SUMO4: variants seen among roughly 807,000 people sequenced by gnomAD.
SUMO4 encodes the protein small ubiquitin-related modifier 4.
A neutral mutation model predicts 7.7 loss-of-function variants in SUMO4; 6 were observed. The observed-to-expected ratio is 0.78, with a 90% CI of 0.43 to 1.53. The LOEUF (loss-of-function observed/expected upper bound fraction) is 1.53, where lower values mean the gene tolerates loss of function less well. SUMO4 is among the 40% of genes most tolerant of loss of function. The pLI, the probability that SUMO4 is intolerant of heterozygous loss-of-function variation, is 0.01. For synonymous variants in SUMO4, 43 were observed against 41.2 expected (o/e 1.04, Z -0.17); for missense variants, 113 against 113.6 (o/e 0.99, Z 0.03).
chr6:149,401,204 AAAAG>A lies in SUMO4; in HGVS notation c.*532_*535del, dbSNP rs1311128168. The A allele has an allele frequency of 1.8e-5, 3 of 167,176 alleles. No individual in the cohort carries two copies. The highest frequency in any genetic ancestry group is 2.1e-4 in the South Asian group (1 of 4,828). 10.4% of individuals were successfully genotyped at this position (167,176 alleles called of 1,614,324 possible). A position where few individuals can be genotyped will look rare whatever the true frequency, so the allele number is the denominator to read the frequency against. ...AGTAGGGATAAATTACTCTAAAAAA[AAAAG>A]AAAGAATCCTAGAAAGTTTTTCCTT... On this transcript the variant is annotated 3_prime_UTR_variant, in exon 1 of 1. Transcript: ENST00000326669.
In SUMO4 at chr6:149,400,823, A is replaced by G; in HGVS notation, c.*144A>G. On this transcript the variant is annotated 3_prime_UTR_variant, in exon 1 of 1. Transcript: ENST00000326669. ...CTCTATTCTTTTGTTTCCCCCTTCC[A>G]CATTCTTTTATTATACATGAAGTAA... 1 of 934,324 alleles carries G rather than the reference A, an allele frequency of 1.1e-6. No homozygotes were observed. Among genetic ancestry groups the G allele is most frequent in the Non-Finnish European group, 1.6e-6 (1 of 625,032 alleles). The allele number at this position is 934,324 out of a possible 1,614,324, so 57.9% of individuals were successfully genotyped here. A position where few individuals can be genotyped will look rare whatever the true frequency, so the allele number is the denominator to read the frequency against.
chr6:149,400,886 A>G lies in SUMO4; in HGVS notation c.*207A>G, dbSNP rs1782381189. On this transcript the variant is annotated 3_prime_UTR_variant, in exon 1 of 1. Coordinates refer to ENST00000326669, the MANE Select transcript of SUMO4 (RefSeq NM_001002255.2). ...CACAAGCATATTGCTTTTTTCTTCA[A>G]ACCAAACAGCCAATGGTATGTTTTG... The G allele has an allele frequency of 6.9e-6, 4 of 579,958 alleles. No individual in the cohort carries two copies. The highest frequency in any genetic ancestry group is 1.2e-5 in the Non-Finnish European group (4 of 332,744). 35.9% of individuals were successfully genotyped at this position (579,958 alleles called of 1,614,324 possible). A position where few individuals can be genotyped will look rare whatever the true frequency, so the allele number is the denominator to read the frequency against.
In SUMO4 at chr6:149,400,543, G is replaced by A. The variant is rs57327874; in HGVS notation, c.152G>A (p.Arg51Gln). Reference sequence around the variant, plus strand: ...CTAATGAAAGCCTATTGTGAACCACGGGGATTGTCAGTGAAGCAGATCAGA... The same window carrying A: ...CTAATGAAAGCCTATTGTGAACCACAGGGATTGTCAGTGAAGCAGATCAGA... ...SKLMKAYCEP[R>Q]GLSVKQIRFR... is the part of the protein sequence containing the mutation. The change falls in exon 1 of 1, where the codon CGG becomes CAG. Residue 51 changes from arginine (R) to glutamine (Q), a missense_variant. Arg to Gln is a conservative substitution (Grantham distance 43, BLOSUM62 1). Coordinates refer to ENST00000326669, the MANE Select transcript of SUMO4 (RefSeq NM_001002255.2). 5.4e-4 allele frequency: 866 copies of A among 1,614,208 alleles called. 4 individuals are homozygous for A. In the African/African-American group the frequency reaches 9.5e-3, roughly 18 times the overall value.
Position 149,400,330 on chromosome 6 carries a change from G to T in SUMO4, c.-62G>T. 1 of 1,558,392 alleles carries T rather than the reference G, an allele frequency of 6.4e-7. No homozygotes were observed. Among genetic ancestry groups the T allele is most frequent in the South Asian group, 1.2e-5 (1 of 83,428 alleles). On this transcript the variant is annotated 5_prime_UTR_variant, in exon 1 of 1. Coordinates refer to ENST00000326669, the MANE Select transcript of SUMO4 (RefSeq NM_001002255.2). Reference sequence around the variant, plus strand: ...TGCTCTTCCTGCTGCTCGTGTACTCGTTAGGTGCGGACCCGCCACCTCTTT... The same window carrying T: ...TGCTCTTCCTGCTGCTCGTGTACTCTTTAGGTGCGGACCCGCCACCTCTTT...
rs764615126 is a variant in SUMO4 at position 149,400,704 on chromosome 6, A to G, written c.*25A>G. ...AAAAGGGAACCTGCTTCTTTACTCCAGAACGCTGTTCTTTAAAGACCAAGA... is the reference window on the plus strand; with the variant it reads ...AAAAGGGAACCTGCTTCTTTACTCCGGAACGCTGTTCTTTAAAGACCAAGA... On this transcript the variant is annotated 3_prime_UTR_variant, in exon 1 of 1. Coordinates refer to ENST00000326669, the MANE Select transcript of SUMO4 (RefSeq NM_001002255.2). The G allele has an allele frequency of 1.2e-6, 2 of 1,606,416 alleles. No individual in the cohort carries two copies. The highest frequency in any genetic ancestry group is 1.7e-6 in the Non-Finnish European group (2 of 1,176,686).
In SUMO4 at chr6:149,400,360, A is replaced by C. The variant is rs577687718; in HGVS notation, c.-32A>C. ...GTGCGGACCCGCCACCTCTTTTGTG[A>C]AGCAGCAGCTGAGGAGACTCCGGTG... On this transcript the variant is annotated 5_prime_UTR_variant, in exon 1 of 1. Coordinates refer to ENST00000326669, the MANE Select transcript of SUMO4 (RefSeq NM_001002255.2). The C allele has an allele frequency of 1.9e-6, 3 of 1,605,678 alleles. No homozygotes were observed. The highest frequency in any genetic ancestry group is 1.1e-5 in the South Asian group (1 of 89,982).
Position 149,400,309 on chromosome 6 carries a change from C to T in SUMO4, c.-83C>T. The T allele has an allele frequency of 6.8e-7, 1 of 1,480,812 alleles. No individual in the cohort carries two copies. The highest frequency in any genetic ancestry group is 9.2e-7 in the Non-Finnish European group (1 of 1,092,648). 91.7% of individuals were successfully genotyped at this position (1,480,812 alleles called of 1,614,324 possible). A position where few individuals can be genotyped will look rare whatever the true frequency, so the allele number is the denominator to read the frequency against. ...TCCACCGCTGTCACCTCCTGCTGCTCTTCCTGCTGCTCGTGTACTCGTTAG... is the reference window on the plus strand; with the variant it reads ...TCCACCGCTGTCACCTCCTGCTGCTTTTCCTGCTGCTCGTGTACTCGTTAG... On this transcript the variant is annotated 5_prime_UTR_variant, in exon 1 of 1. Coordinates refer to ENST00000326669, the MANE Select transcript of SUMO4 (RefSeq NM_001002255.2).
In SUMO4 at chr6:149,400,797, T is replaced by C; in HGVS notation, c.*118T>C. On this transcript the variant is annotated 3_prime_UTR_variant, in exon 1 of 1. Transcript: ENST00000326669. ...CATTCTGACTACTACAGTATAGTTTTCTCTATTCTTTTGTTTCCCCCTTCC... is the reference window on the plus strand; with the variant it reads ...CATTCTGACTACTACAGTATAGTTTCCTCTATTCTTTTGTTTCCCCCTTCC... The C allele has an allele frequency of 8.8e-7, 1 of 1,139,302 alleles. No homozygotes were observed. Among genetic ancestry groups the C allele is most frequent in the East Asian group, 2.4e-5 (1 of 41,788 alleles). The allele number at this position is 1,139,302 out of a possible 1,614,324, so 70.6% of individuals were successfully genotyped here.
chr6:149,400,340 G>C lies in SUMO4; in HGVS notation c.-52G>C. ...GCTGCTCGTGTACTCGTTAGGTGCG[G>C]ACCCGCCACCTCTTTTGTGAAGCAG... On this transcript the variant is annotated 5_prime_UTR_variant, in exon 1 of 1. Coordinates refer to ENST00000326669, the MANE Select transcript of SUMO4 (RefSeq NM_001002255.2). The C allele has an allele frequency of 6.3e-7, 1 of 1,587,248 alleles. No individual in the cohort carries two copies. Among genetic ancestry groups the C allele is most frequent in the Non-Finnish European group, 8.6e-7 (1 of 1,167,238 alleles).
chr6:149,400,457 G>A lies in SUMO4; in HGVS notation c.66G>A (p.Val22=), dbSNP rs925812635. The A allele has an allele frequency of 2.5e-6, 4 of 1,614,124 alleles. No individual in the cohort carries two copies. The African/African-American group carries it at 4.0e-5, about 16-fold the overall frequency. ...ACAACAATCATATTAATTTGAAGGT[G>A]GCGGGACAGGATGGTTCTGTGGTGC... is the stretch of plus-strand genomic sequence containing the variant. The part of the protein sequence containing the change: ...TENNNHINLK[V]AGQDGSVVQF... The change falls in exon 1 of 1, where the codon GTG becomes GTA. Residue 22 remains valine (V), a synonymous_variant. Coordinates refer to ENST00000326669, the MANE Select transcript of SUMO4 (RefSeq NM_001002255.2).
At position 149,401,047 on chromosome 6, in the gene SUMO4, C is replaced by T. The variant is rs547160629; in HGVS notation, c.*368C>T. On this transcript the variant is annotated 3_prime_UTR_variant, in exon 1 of 1. Transcript: ENST00000326669. The stretch of plus-strand genomic sequence containing the variant: ...TATTTTGCTCTCACTGTTTTAACAA[C>T]AACAAAAAAAAATTCTCACATACCT... 2.2e-4 allele frequency: 43 copies of T among 198,212 alleles called. 2 individuals are homozygous for T. In the South Asian group the frequency reaches 6.8e-3, roughly 31 times the overall value. The allele number at this position is 198,212 out of a possible 1,614,324, so 12.3% of individuals were successfully genotyped here. A position where few individuals can be genotyped will look rare whatever the true frequency, so the allele number is the denominator to read the frequency against.
rs141254994 is a variant in SUMO4 at position 149,400,400 on chromosome 6, C to T, written c.9C>T (p.Asn3=). MA[N]EKPTEEVKTE... is the part of the protein sequence containing the mutation. ...AGACTCCGGTGTTCACCATGGCCAACGAAAAGCCCACAGAAGAAGTCAAGA... is the reference window on the plus strand; with the variant it reads ...AGACTCCGGTGTTCACCATGGCCAATGAAAAGCCCACAGAAGAAGTCAAGA... Residue 3 remains asparagine (N), a synonymous_variant, in exon 1 of 1, where the codon AAC becomes AAT. Transcript: ENST00000326669. 4.2e-5 allele frequency: 68 copies of T among 1,613,872 alleles called. No homozygotes were observed. Among genetic ancestry groups the T allele is most frequent in the East Asian group, 2.2e-5 (1 of 44,906 alleles).
rs1343651239 is a variant in SUMO4 at position 149,401,070 on chromosome 6, CCTT to C, written c.*392_*394del. The C allele has an allele frequency of 5.4e-6, 1 of 184,434 alleles. No homozygotes were observed. Among genetic ancestry groups the C allele is most frequent in the East Asian group, 1.7e-4 (1 of 5,954 alleles). The allele number at this position is 184,434 out of a possible 1,614,324, so 11.4% of individuals were successfully genotyped here. On this transcript the variant is annotated 3_prime_UTR_variant, in exon 1 of 1. Transcript: ENST00000326669. ...AACAACAAAAAAAAATTCTCACATA[CCTT>C]GTTCAATTGGAGGATTTTCATGTTT... is the stretch of plus-strand genomic sequence containing the variant.
In SUMO4 at chr6:149,400,298, CTCCTGCTGCTCT is replaced by C. The variant is rs1782329699; in HGVS notation, c.-82_-71del. The C allele has an allele frequency of 9.2e-6, 13 of 1,407,574 alleles. No homozygotes were observed. Among genetic ancestry groups the C allele is most frequent in the South Asian group, 6.6e-5 (5 of 75,226 alleles). 87.2% of individuals were successfully genotyped at this position (1,407,574 alleles called of 1,614,324 possible). Reference sequence around the variant, plus strand: ...CCTCTCCCTCATCCACCGCTGTCACCTCCTGCTGCTCTTCCTGCTGCTCGTGTACTCGTTAGG... The same window carrying C: ...CCTCTCCCTCATCCACCGCTGTCACCTCCTGCTGCTCGTGTACTCGTTAGG... On this transcript the variant is annotated 5_prime_UTR_variant, in exon 1 of 1. Transcript: ENST00000326669.
chr6:149,401,251 T>A lies in SUMO4; in HGVS notation c.*572T>A, dbSNP rs1782398711. ...TTTTCCTTCAAGTCAGGCTTCTTAT[T>A]TAAATAAACTTTTTGTTTAAAATGA... is the stretch of plus-strand genomic sequence containing the variant. On this transcript the variant is annotated 3_prime_UTR_variant, in exon 1 of 1. Transcript: ENST00000326669. 6.0e-6 allele frequency: 1 copy of A among 166,974 alleles called. No individual in the cohort carries two copies. Among genetic ancestry groups the A allele is most frequent in the African/African-American group, 2.4e-5 (1 of 41,462 alleles). 10.3% of individuals were successfully genotyped at this position (166,974 alleles called of 1,614,324 possible). A position where few individuals can be genotyped will look rare whatever the true frequency, so the allele number is the denominator to read the frequency against.
chr6:149,400,424 G>C lies in SUMO4; in HGVS notation c.33G>C (p.Lys11Asn). Residue 11 changes from lysine (K) to asparagine (N), a missense_variant, in exon 1 of 1, where the codon AAG becomes AAC. Coordinates refer to ENST00000326669, the MANE Select transcript of SUMO4 (RefSeq NM_001002255.2). ...ACGAAAAGCCCACAGAAGAAGTCAAGACTGAGAACAACAATCATATTAATT... is the reference window on the plus strand; with the variant it reads ...ACGAAAAGCCCACAGAAGAAGTCAACACTGAGAACAACAATCATATTAATT... MANEKPTEEV[K>N]TENNNHINLK... 6.2e-7 allele frequency: 1 copy of C among 1,614,230 alleles called. No homozygotes were observed.
At position 149,401,058 on chromosome 6, in the gene SUMO4, A is replaced by G. The variant is rs1782391168; in HGVS notation, c.*379A>G. 5.2e-6 allele frequency: 1 copy of G among 191,752 alleles called. No homozygotes were observed. The highest frequency in any genetic ancestry group is 2.4e-5 in the African/African-American group (1 of 42,072). 11.9% of individuals were successfully genotyped at this position (191,752 alleles called of 1,614,324 possible). On this transcript the variant is annotated 3_prime_UTR_variant, in exon 1 of 1. Transcript: ENST00000326669. The stretch of plus-strand genomic sequence containing the variant: ...CACTGTTTTAACAACAACAAAAAAA[A>G]ATTCTCACATACCTTGTTCAATTGG...
chr6:149,400,518 C>T lies in SUMO4; in HGVS notation c.127C>T (p.Leu43=), dbSNP rs1245526333. 6.2e-7 allele frequency: 1 copy of T among 1,614,240 alleles called. No individual in the cohort carries two copies. Residue 43 remains leucine, a synonymous_variant, in exon 1 of 1, where the codon CTA becomes TTA. Coordinates refer to ENST00000326669, the MANE Select transcript of SUMO4 (RefSeq NM_001002255.2). ...KIKRQTPLSK[L]MKAYCEPRGL... is the part of the protein sequence containing the mutation. ...TAAGAGGCAGACACCACTTAGTAAA[C>T]TAATGAAAGCCTATTGTGAACCACG...
Position 149,400,326 on chromosome 6 carries a change from A to C in SUMO4, c.-66A>C. ...CTGCTGCTCTTCCTGCTGCTCGTGT[A>C]CTCGTTAGGTGCGGACCCGCCACCT... On this transcript the variant is annotated 5_prime_UTR_variant, in exon 1 of 1. Transcript: ENST00000326669. The C allele has an allele frequency of 6.5e-7, 1 of 1,542,138 alleles. No homozygotes were observed. Among genetic ancestry groups the C allele is most frequent in the South Asian group, 1.2e-5 (1 of 81,968 alleles).
Sources: gnomAD v4.1 joint callset for allele counts on GRCh38, gnomAD v4.1.1 for gene constraint, MANE v1.5 for transcripts, NCBI Gene and HGNC (gene_info 2026-07-23, HGNC 2026-07-21) for gene names.